The following SMIM14 variants were observed in gnomAD, a reference collection of about 807,000 sequenced individuals.
The protein encoded by SMIM14 is small integral membrane protein 14.
A neutral mutation model predicts 12.6 loss-of-function variants in SMIM14; 5 were observed. The observed-to-expected ratio is 0.40, with a 90% CI of 0.21 to 0.83. SMIM14 has a LOEUF of 0.83. SMIM14 is among the 40% of genes least tolerant of loss of function. The pLI, the probability that SMIM14 is intolerant of heterozygous loss-of-function variation, is 0.37. For missense variants in SMIM14, 86 were observed against 119.1 expected, an observed-to-expected ratio of 0.72 and a Z score of 1.29; for synonymous variants, 30 against 40.1, an observed-to-expected ratio of 0.75 and a Z score of 0.95.
chr4:39,617,794 GAAACAGTGTATCTA>G (rs1385055605), intron 1 of SMIM14, among the ~76,000 whole-genome samples: 1 of 152,150 alleles, frequency 6.6e-6, no homozygotes, highest in Non-Finnish European at 1.5e-5. Flanking sequence ...TCTAAACAAT[GAAACAGTGTATCTA>G]AAACAGTGTA....
intron 3 of SMIM14, among the ~76,000 whole-genome samples, chr4:39,560,946 A>C (rs909994876): frequency 6.6e-6 from 1 of 151,958 alleles, no homozygotes; most frequent in African/African-American, 2.4e-5. Context: ...ATAACCTCTT[A>C]TCTGGTCTAT....
rs1349196862 is a variant in SMIM14 at position 39,558,870 on chromosome 4, G to A, written c.125-2300C>T. Among the ~76,000 whole-genome samples, 2 of 152,120 alleles carry A rather than the reference G, an allele frequency of 1.3e-5. No individual in the cohort carries two copies. Among genetic ancestry groups the A allele is most frequent in the Non-Finnish European group, 2.9e-5 (2 of 68,030 alleles). ...ATTACAGGCACATGCCACCATGCCT[G>A]GCTAACTTTTTGTATCTTTAGTAGA... On this transcript the variant is annotated intron_variant, in intron 3 of 4. Transcript: ENST00000295958. This position sits in a 1 kb window ranked among gnomAD's most constrained non-coding sequence, Gnocchi z 4.3.
intron 2 of SMIM14, among the ~76,000 whole-genome samples, chr4:39,591,517 T>C (rs1466561437): frequency 6.6e-6 from 1 of 152,152 alleles, no homozygotes; most frequent in Non-Finnish European, 1.5e-5. Flanking sequence ...TTCTTTGTAC[T>C]GCAATCATAT....
At chr4:39,599,933 C>CAAAAAAAAAAAAAAAACAAAAA (rs1714534502) in intron 2 of SMIM14, among the ~76,000 whole-genome samples, 1 of 115,078 alleles carries the variant, frequency 8.7e-6, no homozygotes, top group Non-Finnish European at 1.8e-5. Flanking sequence ...AAAACAACAA[C>CAAAAAAAAAAAAAAAACAAAAA]AAAAAAAAAA....
chr4:39,552,078 G>A lies in SMIM14; in HGVS notation c.*48C>T, dbSNP rs376716371. ...AAGAGTACTCTGGTCATCTTCGTTC[G>A]TTTGGTCGTGCAAGGTGTTAACTAT... On this transcript the variant is annotated 3_prime_UTR_variant, in exon 5 of 5. Coordinates refer to ENST00000295958, the MANE Select transcript of SMIM14 (RefSeq NM_174921.3). The A allele has an allele frequency of 6.1e-5, 92 of 1,517,402 alleles. No individual in the cohort carries two copies. Among genetic ancestry groups the A allele is most frequent in the Non-Finnish European group, 7.2e-5 (81 of 1,119,668 alleles). The allele number at this position is 1,517,402 out of a possible 1,614,324, so 94.0% of individuals were successfully genotyped here.
At chr4:39,602,195 G>A (rs543673843) in intron 2 of SMIM14, among the ~76,000 whole-genome samples, 9 of 151,502 alleles carry the variant, frequency 5.9e-5, no homozygotes, top group East Asian at 3.9e-4. Flanking sequence ...GTTGCAGTGC[G>A]CAGAGATCGT....
intron 1 of SMIM14, among the ~76,000 whole-genome samples, chr4:39,608,977 T>C (rs1294043184): frequency 6.6e-6 from 1 of 152,116 alleles, no homozygotes; most frequent in East Asian, 1.9e-4. Flanking sequence ...CATTTTATTT[T>C]ATTTTATGTA....
intron 2 of SMIM14, among the ~76,000 whole-genome samples, chr4:39,586,616 A>T (rs1466130184): frequency 6.6e-6 from 1 of 152,030 alleles, no homozygotes; most frequent in Non-Finnish European, 1.5e-5. Context: ...TAATGCCCTT[A>T]CTTCTACCAA....
At chr4:39,593,720 C>A (rs1182850914) in intron 2 of SMIM14, 2 of 151,312 alleles carry the variant, frequency 1.3e-5, no homozygotes, top group Non-Finnish European at 3.0e-5. Flanking sequence ...GATACAAAAT[C>A]AATGTACAAA....
At chr4:39,583,190 G>A (rs1413920378) in intron 2 of SMIM14, among the ~76,000 whole-genome samples, 2 of 152,058 alleles carry the variant, frequency 1.3e-5, no homozygotes, top group Non-Finnish European at 2.9e-5. Context: ...CCAGGCTTAA[G>A]CAATCCTCCC....
chr4:39,601,386 T>G (rs1207011916), intron 2 of SMIM14, among the ~76,000 whole-genome samples: 2 of 152,156 alleles, frequency 1.3e-5, no homozygotes, highest in Non-Finnish European at 1.5e-5. Context: ...GTACTTGAAA[T>G]TTTACTCTAT....
intron 1 of SMIM14, among the ~76,000 whole-genome samples, chr4:39,627,399 G>C (rs1715741223): frequency 1.3e-5 from 2 of 152,130 alleles, no homozygotes; most frequent in African/African-American, 2.4e-5. Flanking sequence ...AACATCATGG[G>C]ACAGCAGAAA....
In SMIM14 at chr4:39,558,258, T is replaced by C. The variant is rs146780030; in HGVS notation, c.125-1688A>G. Among the ~76,000 whole-genome samples the C allele has an allele frequency of 3.8e-3, 582 of 152,304 alleles. No individual in the cohort carries two copies. The highest frequency in any genetic ancestry group is 0.027 in the Middle Eastern group (8 of 294). On this transcript the variant is annotated intron_variant, in intron 3 of 4. Coordinates refer to ENST00000295958, the MANE Select transcript of SMIM14 (RefSeq NM_174921.3). This position sits in a 1 kb window ranked among gnomAD's most constrained non-coding sequence, Gnocchi z 4.3. ...ATCCCAGCACTTTGGAAGGCCAAGA[T>C]GGGTGGATTGCTTGAGCTCAGGAAT...
chr4:39,608,298 T>C (rs769431993), intron 1 of SMIM14, among the ~76,000 whole-genome samples: 1 of 152,164 alleles, frequency 6.6e-6, no homozygotes, highest in Non-Finnish European at 1.5e-5. Flanking sequence ...TCTGTATTTA[T>C]AAACAACAAC....
intron 3 of SMIM14, among the ~76,000 whole-genome samples, chr4:39,568,016 G>A (rs925314566): frequency 6.6e-6 from 1 of 151,956 alleles, no homozygotes; most frequent in Non-Finnish European, 1.5e-5. Flanking sequence ...GGTAGCTCAC[G>A]CCTGTAATCC....
At chr4:39,577,073 A>G (rs1032978033) in intron 2 of SMIM14, among the ~76,000 whole-genome samples, 3 of 150,854 alleles carry the variant, frequency 2.0e-5, no homozygotes, top group Non-Finnish European at 1.5e-5. Context: ...ATAATATTTG[A>G]TATATTTTAA....
At chr4:39,622,409 T>C (rs1235763050) in intron 1 of SMIM14, among the ~76,000 whole-genome samples, 5 of 151,406 alleles carry the variant, frequency 3.3e-5, no homozygotes, top group Admixed American at 1.3e-4. Context: ...TTTATTTTTA[T>C]TTATTTTTTG....
At chr4:39,605,865 G>A (rs180804996) in intron 1 of SMIM14, among the ~76,000 whole-genome samples, 6 of 152,116 alleles carry the variant, frequency 3.9e-5, no homozygotes, top group East Asian at 1.9e-4. Flanking sequence ...CTCAGCTTCC[G>A]GAGTAGCTGG....
At chr4:39,564,968 T>A (rs1464793922) in intron 3 of SMIM14, among the ~76,000 whole-genome samples, 2 of 152,152 alleles carry the variant, frequency 1.3e-5, no homozygotes, top group East Asian at 3.9e-4. Context: ...TCCCAGCACT[T>A]TGGGAAGCTG....
Sources: gnomAD v4.1 joint callset for allele counts (sites outside exome capture counted in the v4.1 genomes callset) on GRCh38, gnomAD v4.1.1 for gene constraint, Gnocchi (gnomAD v3.1) non-coding constraint, MANE v1.5 for transcripts, NCBI Gene and HGNC (gene_info 2026-07-23, HGNC 2026-07-21) for gene names.